Variants in PTBP1 observed in about 807,000 individuals in gnomAD.
PTBP1 encodes polypyrimidine tract binding protein 1, also known as polypyrimidine tract-binding protein 1.
PTBP1 carries 8 observed loss-of-function variants against 59.8 expected under a neutral mutation model. The observed-to-expected ratio is 0.13, with a 90% confidence interval of 0.08 to 0.24. The LOEUF is 0.24. Among genes scored for constraint, PTBP1 ranks in the 10% least tolerant of loss-of-function variants. PTBP1 has a pLI of 1.00. For missense variants in PTBP1, 686 were observed against 767.0 expected, an observed-to-expected ratio of 0.89 and a Z score of 1.25; for synonymous variants, 490 against 320.7, an observed-to-expected ratio of 1.53 and a Z score of -5.64.
In PTBP1 at chr19:810,775, C is replaced by T. The variant is rs1192701846; in HGVS notation, c.1623C>T (p.Asp541=). ...CCCTCATTGACCTGCACAACCACGA[C>T]CTCGGGGAGAACCACCACCTGCGGG... ...VQALIDLHNH[D]LGENHHLRVS... is the part of the protein sequence containing the mutation. The change falls in exon 15 of 15, where the codon GAC becomes GAT. Residue 541 remains aspartate, a synonymous_variant. Transcript: ENST00000356948. 2.5e-6 allele frequency: 4 copies of T among 1,603,420 alleles called. No homozygotes were observed. Among genetic ancestry groups the T allele is most frequent in the African/African-American group, 1.3e-5 (1 of 74,438 alleles).
Position 804,379 on chromosome 19 carries a change from A to G in PTBP1, c.376A>G (p.Ile126Val), listed in dbSNP as rs768368597. Residue 126 changes from isoleucine (I) to valine (V), a missense_variant, in exon 5 of 15, where the codon ATC becomes GTC. By Grantham distance (29) the Ile-to-Val change is conservative (BLOSUM62 3). Transcript: ENST00000356948. ...GACCCCTGTGCTGCGCGGCCAGCCC[A>G]TCTACATCCAGTTCTCCAACCACAA... is the stretch of plus-strand genomic sequence containing the variant. ...SVTPVLRGQP[I>V]YIQFSNHKEL... 4 of 1,612,948 alleles carry G rather than the reference A, an allele frequency of 2.5e-6. No individual in the cohort carries two copies. The Admixed American group carries it at 5.0e-5, about 20-fold the overall frequency.
Position 805,132 on chromosome 19 carries a change from C to T in PTBP1, c.837C>T (p.Asp279=). Residue 279 remains aspartate, a synonymous_variant, in exon 8 of 15, where the codon GAC becomes GAT. Coordinates refer to ENST00000356948, the MANE Select transcript of PTBP1 (RefSeq NM_002819.5). ...NDKSRDYTRP[D]LPSGDSQPSL... The stretch of plus-strand genomic sequence containing the variant: ...AGAGCCGTGACTACACACGCCCAGA[C>T]CTGCCTTCCGGGGACAGCCAGCCCT... 3.7e-6 allele frequency: 6 copies of T among 1,613,844 alleles called. 1 individual carries two copies. Among genetic ancestry groups the T allele is most frequent in the Admixed American group, 3.3e-5 (2 of 60,026 alleles).
chr19:808,497 G>GGCTGCGT lies in PTBP1; in HGVS notation c.1246+46_1247-42dup. The GGCTGCGT allele has an allele frequency of 6.4e-7, 1 of 1,558,456 alleles. No homozygotes were observed. The highest frequency in any genetic ancestry group is 8.7e-7 in the Non-Finnish European group (1 of 1,152,736). Reference sequence around the variant, plus strand: ...CCGGGGTGGAGGGGGCAGGGGCGGGGGCTGCGTTCCCTCTCGGGCGCCTGG... The same window carrying GGCTGCGT: ...CCGGGGTGGAGGGGGCAGGGGCGGGGGCTGCGTGCTGCGTTCCCTCTCGGGCGCCTGG... On this transcript the variant is annotated intron_variant, in intron 12 of 14. Transcript: ENST00000356948. The surrounding 1 kb of genome is among the most constrained non-coding windows in gnomAD (Gnocchi z 4.7).
chr19:798,305 A>G (rs892344027), intron 1 of PTBP1: 2 of 151,628 alleles, frequency 1.3e-5, no homozygotes, highest in African/African-American at 2.4e-5. Flanking sequence ...TTCCCTTGGG[A>G]GAGGTGGGAG....
rs1004518511 is a variant in PTBP1 at position 799,220 on chromosome 19, G to GT, written c.9-191dup. ...AAGGACAATGGTGGCCCCTTTTCAAGTTGCAGTCAAGTGGACGGCTCACTT... is the reference window on the plus strand; with the variant it reads ...AAGGACAATGGTGGCCCCTTTTCAAGTTTGCAGTCAAGTGGACGGCTCACTT... On this transcript the variant is annotated intron_variant, in intron 1 of 14. Coordinates refer to ENST00000356948, the MANE Select transcript of PTBP1 (RefSeq NM_002819.5). 18 of 685,960 alleles carry GT rather than the reference G, an allele frequency of 2.6e-5. No individual in the cohort carries two copies. In the African/African-American group the frequency reaches 3.2e-4, roughly 12 times the overall value. 42.5% of individuals were successfully genotyped at this position (685,960 alleles called of 1,614,324 possible).
At chr19:799,710 C>A (rs907182228) in intron 2 of PTBP1, among the ~76,000 whole-genome samples, 1 of 152,208 alleles carries the variant, frequency 6.6e-6, no homozygotes, top group Admixed American at 6.5e-5. Context: ...AGCGAGGGCT[C>A]TGTGTGCCCC....
In PTBP1 at chr19:811,064, C is replaced by G; in HGVS notation, c.*238C>G. 1 of 443,040 alleles carries G rather than the reference C, an allele frequency of 2.3e-6. No individual in the cohort carries two copies. 27.4% of individuals were successfully genotyped at this position (443,040 alleles called of 1,614,324 possible). A position where few individuals can be genotyped will look rare whatever the true frequency, so the allele number is the denominator to read the frequency against. On this transcript the variant is annotated 3_prime_UTR_variant, in exon 15 of 15. Coordinates refer to ENST00000356948, the MANE Select transcript of PTBP1 (RefSeq NM_002819.5). ...GCGGGAGTTCCCGGCCCTCCACACC[C>G]GGGGCCAGACCCTCGGGGCCATGCC... is the stretch of plus-strand genomic sequence containing the variant.
At chr19:799,507 A>AC (rs546852549) in intron 2 of PTBP1, 64 bp downstream of exon 2, 14 of 1,542,558 alleles carry the variant, frequency 9.1e-6, no homozygotes, top group East Asian at 2.2e-5. Context: ...CCCGGGGGCC[A>AC]CCCCCCAGCG....
chr19:808,736 G>A lies in PTBP1; in HGVS notation c.1437G>A (p.Ser479=), dbSNP rs376291058. 81 of 1,612,636 alleles carry A rather than the reference G, an allele frequency of 5.0e-5. No individual in the cohort carries two copies. The East Asian group carries it at 5.1e-4, about 10-fold the overall frequency. ...SKNFQNIFPP[S]ATLHLSNIPP... ...ACTTCCAGAACATATTCCCGCCCTC[G>A]GCCACGCTGCACCTCTCCAACATCC... Residue 479 remains serine, a synonymous_variant, in exon 13 of 15, where the codon TCG becomes TCA. Coordinates refer to ENST00000356948, the MANE Select transcript of PTBP1 (RefSeq NM_002819.5). This position sits in a 1 kb window ranked among gnomAD's most constrained non-coding sequence, Gnocchi z 4.7.
intron 1 of PTBP1, 106 bp downstream of exon 1, chr19:797,611 G>C (rs1430357579): frequency 3.9e-6 from 3 of 771,320 alleles, no homozygotes; most frequent in South Asian, 5.4e-5. Flanking sequence ...TCTCGGGCGG[G>C]AGGGGGCGGC....
At position 797,479 on chromosome 19, in the gene PTBP1, C is replaced by A. The variant is rs772092432; in HGVS notation, c.-19C>A. On this transcript the variant is annotated 5_prime_UTR_variant, in exon 1 of 15. Transcript: ENST00000356948. ...TCCGGCGCCTCCACTCCGTCCCCCG[C>A]GGGTCTGCTCTGTGTGCCATGGACG... 3 of 1,593,000 alleles carry A rather than the reference C, an allele frequency of 1.9e-6. No individual in the cohort carries two copies. Among genetic ancestry groups the A allele is most frequent in the East Asian group, 2.3e-5 (1 of 43,344 alleles).
rs751335304 is a variant in PTBP1 at position 806,511 on chromosome 19, G to A, written c.1074G>A (p.Ala358=). Residue 358 remains alanine (A), a synonymous_variant, in exon 10 of 15, where the codon GCG becomes GCA. Transcript: ENST00000356948. ...AAGRIAIPGL[A]GAGNSVLLVS... ...GTCGGATCGCCATCCCGGGCCTGGC[G>A]GGGGCAGGAAATTCTGTATTGCTGG... The A allele has an allele frequency of 1.7e-5, 27 of 1,567,536 alleles. No individual in the cohort carries two copies. The highest frequency in any genetic ancestry group is 1.4e-4 in the South Asian group (12 of 86,402).
In PTBP1 at chr19:812,036, A is replaced by G. The variant is rs1370298064; in HGVS notation, c.*1210A>G. 3 of 152,282 alleles carry G rather than the reference A, an allele frequency of 2.0e-5. No homozygotes were observed. In the East Asian group the frequency reaches 5.8e-4, roughly 29 times the overall value. 9.4% of individuals were successfully genotyped at this position (152,282 alleles called of 1,614,324 possible). A position where few individuals can be genotyped will look rare whatever the true frequency, so the allele number is the denominator to read the frequency against. ...GGTGTAAATATTTATAATTTTTTAT[A>G]CCTGTTGTGAGACCCGAGGGGCGGC... On this transcript the variant is annotated 3_prime_UTR_variant, in exon 15 of 15. Coordinates refer to ENST00000356948, the MANE Select transcript of PTBP1 (RefSeq NM_002819.5).
At chr19:803,203 C>G (rs1705119950) in intron 2 of PTBP1, among the ~76,000 whole-genome samples, 2 of 152,166 alleles carry the variant, frequency 1.3e-5, no homozygotes, top group African/African-American at 4.8e-5. Flanking sequence ...AGGCCCCAGG[C>G]CTGTGCCCAG....
At chr19:805,908 C>T (rs1249971412) in intron 9 of PTBP1, 1 of 356,800 alleles carries the variant, frequency 2.8e-6, no homozygotes, top group Non-Finnish European at 5.2e-6. Flanking sequence ...GCCTGGTAAG[C>T]GCGCGGCCCG....
At position 811,093 on chromosome 19, in the gene PTBP1, G is replaced by A. The variant is rs1033844740; in HGVS notation, c.*267G>A. ...GCCAGACCCTCGGGGCCATGCCTTG[G>A]TGGGGCCTGTGTCGGGCGTGGGGCC... On this transcript the variant is annotated 3_prime_UTR_variant, in exon 15 of 15. Coordinates refer to ENST00000356948, the MANE Select transcript of PTBP1 (RefSeq NM_002819.5). 8.1e-6 allele frequency: 3 copies of A among 369,044 alleles called. No homozygotes were observed. Among genetic ancestry groups the A allele is most frequent in the Non-Finnish European group, 9.6e-6 (2 of 207,706 alleles). 22.9% of individuals were successfully genotyped at this position (369,044 alleles called of 1,614,324 possible). A position where few individuals can be genotyped will look rare whatever the true frequency, so the allele number is the denominator to read the frequency against.
intron 10 of PTBP1, chr19:807,554 C>T: frequency 5.1e-6 from 2 of 391,010 alleles, no homozygotes; most frequent in Non-Finnish European, 4.6e-6. Flanking sequence ...CTTTTCTCCC[C>T]TTCCCCTTTC....
In PTBP1 at chr19:808,843, A is replaced by C; in HGVS notation, c.1463+81A>C. The C allele has an allele frequency of 7.4e-7, 1 of 1,352,042 alleles. No homozygotes were observed. Among genetic ancestry groups the C allele is most frequent in the Non-Finnish European group, 1.0e-6 (1 of 969,554 alleles). The allele number at this position is 1,352,042 out of a possible 1,614,324, so 83.8% of individuals were successfully genotyped here. A position where few individuals can be genotyped will look rare whatever the true frequency, so the allele number is the denominator to read the frequency against. On this transcript the variant is annotated intron_variant, in intron 13 of 14. Transcript: ENST00000356948. This position sits in a 1 kb window ranked among gnomAD's most constrained non-coding sequence, Gnocchi z 4.7. Reference sequence around the variant, plus strand: ...GCTGTCCTACCGCGTCGGTGTGTGGACTTCTGGCGTTTCCAGAGTGCAGGT... The same window carrying C: ...GCTGTCCTACCGCGTCGGTGTGTGGCCTTCTGGCGTTTCCAGAGTGCAGGT...
rs2145050647 is a variant in PTBP1 at position 812,034 on chromosome 19, A to G, written c.*1208A>G. The stretch of plus-strand genomic sequence containing the variant: ...AGGGTGTAAATATTTATAATTTTTT[A>G]TACCTGTTGTGAGACCCGAGGGGCG... On this transcript the variant is annotated 3_prime_UTR_variant, in exon 15 of 15. Coordinates refer to ENST00000356948, the MANE Select transcript of PTBP1 (RefSeq NM_002819.5). The G allele has an allele frequency of 6.6e-6, 1 of 152,422 alleles. No homozygotes were observed. Among genetic ancestry groups the G allele is most frequent in the East Asian group, 1.9e-4 (1 of 5,182 alleles). The allele number at this position is 152,422 out of a possible 1,614,324, so 9.4% of individuals were successfully genotyped here. A position where few individuals can be genotyped will look rare whatever the true frequency, so the allele number is the denominator to read the frequency against.
Sources: allele counts gnomAD v4.1 joint callset (sites outside exome capture counted in the v4.1 genomes callset), GRCh38; gene constraint gnomAD v4.1.1; non-coding constraint Gnocchi (gnomAD v3.1); transcripts MANE v1.5; gene names NCBI Gene and HGNC (gene_info 2026-07-23, HGNC 2026-07-21).